Variants in HECTD4 observed in about 807,000 individuals in gnomAD.
HECTD4 encodes HECT domain E3 ubiquitin protein ligase 4, also known as probable E3 ubiquitin-protein ligase HECTD4.
HECTD4 carries 114 observed loss-of-function variants against 471.5 expected under a neutral mutation model. The observed-to-expected ratio is 0.24, with a 90% CI of 0.21 to 0.28. HECTD4 has a LOEUF of 0.28. HECTD4 is among the 10% of genes least tolerant of loss of function. The pLI is 1.00. For synonymous variants in HECTD4, 2,012 were observed against 2,256.0 expected, an observed-to-expected ratio of 0.89 and a Z score of 3.07; for missense variants, 3,866 against 5,651.5, an observed-to-expected ratio of 0.68 and a Z score of 10.13.
chr12:112,184,531 G>T lies in HECTD4; in HGVS notation c.10435C>A (p.Pro3479Thr). 2 of 1,610,986 alleles carry T rather than the reference G, an allele frequency of 1.2e-6. No individual in the cohort carries two copies. Among genetic ancestry groups the T allele is most frequent in the Non-Finnish European group, 8.5e-7 (1 of 1,179,084 alleles). Residue 3479 changes from proline to threonine, a missense_variant, in exon 61 of 76, where the codon CCC (proline) becomes ACC (threonine). Around this residue, in one of 16 missense-constraint regions of HECTD4, gnomAD observed 192 missense variants for 189.9 expected, o/e 1.01. Transcript: ENST00000682272. The surrounding 1 kb of genome is among the most constrained non-coding windows in gnomAD (Gnocchi z 9.1). The part of the protein sequence containing the change: ...MEVSTSSSLT[P>T]AMSISASAST... Reference sequence around the variant, plus strand: ...GCGGAGGCGCTGATGCTCATGGCGGGGGTCAGGCTGCTGGACGTGCTGACC... The same window carrying T: ...GCGGAGGCGCTGATGCTCATGGCGGTGGTCAGGCTGCTGGACGTGCTGACC...
chr12:112,172,598 T>G, intron 67 of HECTD4, 73 bp downstream of exon 67: 1 of 1,453,416 alleles, frequency 6.9e-7, no homozygotes, highest in African/African-American at 1.4e-5. Context: ...AATCTAGCCC[T>G]TGTAAATGCC....
rs146417702 is a variant in HECTD4, at chr12:112,169,477, G to A, written c.12208+26C>T. On this transcript the variant is annotated intron_variant, in intron 70 of 75. Coordinates refer to ENST00000682272, the MANE Select transcript of HECTD4 (RefSeq NM_001388303.1). Reference sequence around the variant, plus strand: ...GGACACTAAACACAGCTCCTCCAGCGTGGAGCCTGGCGGGCCACCACTTAC... The same window carrying A: ...GGACACTAAACACAGCTCCTCCAGCATGGAGCCTGGCGGGCCACCACTTAC... The A allele has an allele frequency of 2.2e-4, 351 of 1,592,768 alleles. 4 individuals carry two copies. In the East Asian group the frequency reaches 6.0e-3, roughly 27 times the overall value.
rs992844285 is a variant in HECTD4, at chr12:112,299,835, G to A, written c.1335+6229C>T. Among the ~76,000 whole-genome samples, 26 of 152,204 alleles carry A rather than the reference G, an allele frequency of 1.7e-4. No homozygotes were observed. The East Asian group carries it at 3.5e-3, about 20-fold the overall frequency. ...CCTCCTCAACTTTTTATTTCATGCC[G>A]CAGGCAGGGACTGTTTTTTAATTGT... On this transcript the variant is annotated intron_variant, in intron 7 of 75. Coordinates refer to ENST00000682272, the MANE Select transcript of HECTD4 (RefSeq NM_001388303.1).
chr12:112,218,838 G>A (rs994581205), intron 45 of HECTD4, among the ~76,000 whole-genome samples: 4 of 152,028 alleles, frequency 2.6e-5, no homozygotes, highest in African/African-American at 7.2e-5. Flanking sequence ...AGGTTGAAGC[G>A]ATTCTCCTGC....
chr12:112,265,266 A>G lies in HECTD4; in HGVS notation c.2528T>C (p.Leu843Pro). The G allele has an allele frequency of 1.9e-6, 3 of 1,583,656 alleles. No homozygotes were observed. The highest frequency in any genetic ancestry group is 8.6e-7 in the Non-Finnish European group (1 of 1,159,132). Residue 843 changes from leucine to proline, a missense_variant, in exon 16 of 76, where the codon CTG becomes CCG. Leu to Pro is a moderately conservative substitution (Grantham distance 98). Around this residue, in one of 16 missense-constraint regions of HECTD4, gnomAD observed 525 missense variants for 672.6 expected, o/e 0.78. Transcript: ENST00000682272. ...ACAGGATTCTCGTACAACAATCTTC[A>G]GAATGTAGTGTAAAAGTTCATCATT... Reference protein sequence around the residue: ...RLNDELLHYILKIVVRESCIL... With the variant: ...RLNDELLHYIPKIVVRESCIL...
chr12:112,181,862 C>T (rs1290961200), intron 62 of HECTD4, among the ~76,000 whole-genome samples: 5 of 152,138 alleles, frequency 3.3e-5, no homozygotes, highest in Admixed American at 6.5e-5. Flanking sequence ...GAGGCCAAGG[C>T]GGGCAAATCA....
chr12:112,210,009 A>T lies in HECTD4; in HGVS notation c.7867+6T>A, dbSNP rs1168993329. 3 of 1,608,688 alleles carry T rather than the reference A, an allele frequency of 1.9e-6. No homozygotes were observed. Among genetic ancestry groups the T allele is most frequent in the South Asian group, 2.2e-5 (2 of 90,454 alleles). On this transcript the variant is annotated splice_donor_region_variant and intron_variant, in intron 50 of 75. Transcript: ENST00000682272. ...TGGAGGCAGTAAGTTCCAGGAGGTG[A>T]CTTACGTTGCTGAGCGGTGGCCACG...
At chr12:112,362,654 T>G (rs924464826) in intron 1 of HECTD4, among the ~76,000 whole-genome samples, 2 of 152,118 alleles carry the variant, frequency 1.3e-5, no homozygotes, top group Non-Finnish European at 2.9e-5. Context: ...GTGGGGAGCG[T>G]TATGTTAGCA....
intron 1 of HECTD4, among the ~76,000 whole-genome samples, chr12:112,328,043 A>C (rs769172988): frequency 1.1e-4 from 16 of 152,208 alleles, no homozygotes; most frequent in Non-Finnish European, 2.2e-4. Flanking sequence ...TGTCAGCATA[A>C]AAGGAATTTA....
chr12:112,259,329 T>C (rs537942679), intron 18 of HECTD4, 64 bp from the exon 19 acceptor site: 1 of 1,543,670 alleles, frequency 6.5e-7, no homozygotes, highest in Non-Finnish European at 8.9e-7. Context: ...GAAGCACTAA[T>C]GTCATCTTTA....
intron 66 of HECTD4, 99 bp downstream of exon 66, chr12:112,175,637 A>C (rs1263086250): frequency 2.2e-6 from 3 of 1,370,602 alleles, no homozygotes; most frequent in African/African-American, 1.5e-5. Flanking sequence ...AGAAAGCATT[A>C]TCAACAGGGG....
intron 60 of HECTD4, among the ~76,000 whole-genome samples, chr12:112,186,511 A>G (rs2031869337): frequency 6.7e-6 from 1 of 148,840 alleles, no homozygotes; most frequent in African/African-American, 2.5e-5. Flanking sequence ...TAATTTTTGT[A>G]TTTTTAGTAG....
intron 50 of HECTD4, among the ~76,000 whole-genome samples, chr12:112,208,943 C>T (rs1196115677): frequency 7.7e-6 from 1 of 129,900 alleles, no homozygotes; most frequent in African/African-American, 3.0e-5. Context: ...ACTCTGTTGC[C>T]TAGGCTGGCA....
intron 4 of HECTD4, 81 bp from the exon 5 acceptor site, chr12:112,309,750 C>T (rs189565946): frequency 2.2e-4 from 143 of 651,322 alleles, no homozygotes; most frequent in Admixed American, 8.9e-4. Context: ...AATGAAAAAG[C>T]CATTAGGAGG....
Position 112,243,443 on chromosome 12 carries a change from T to G in HECTD4, c.4868A>C (p.His1623Pro). 1.9e-6 allele frequency: 3 copies of G among 1,611,112 alleles called. No individual in the cohort carries two copies. Among genetic ancestry groups the G allele is most frequent in the Non-Finnish European group, 2.5e-6 (3 of 1,178,724 alleles). ...GGCAGCTGTCAGCAATTCCCGCATG[T>G]GCACCAGTGCCTGCTTGCGAGTGTT... ...RGNTRKQALV[H>P]MRELLTAAVR... The change falls in exon 32 of 76, where the codon CAC becomes CCC. Residue 1623 changes from histidine to proline, a missense_variant. By Grantham distance (77) the His-to-Pro change is moderately conservative. Around this residue, in one of 16 missense-constraint regions of HECTD4, gnomAD observed 229 missense variants for 386.4 expected, o/e 0.59. Coordinates refer to ENST00000682272, the MANE Select transcript of HECTD4 (RefSeq NM_001388303.1). This position sits in a 1 kb window ranked among gnomAD's most constrained non-coding sequence, Gnocchi z 6.6.
Position 112,319,359 on chromosome 12 carries a change from C to G in HECTD4, c.561G>C (p.Glu187Asp). ...CAATTCCATTGAGACAGTCAGCAGG[C>G]TCCTTGGTCAAGCTCAAAGGCTGGC... ...RDCQPLSLTK[E>D]PADCLNGIET... Residue 187 changes from glutamate (E) to aspartate (D), a missense_variant, in exon 2 of 76, where the codon GAG becomes GAC. By Grantham distance (45) the Glu-to-Asp change is conservative. Coordinates refer to ENST00000682272, the MANE Select transcript of HECTD4 (RefSeq NM_001388303.1). The surrounding 1 kb of genome is among the most constrained non-coding windows in gnomAD (Gnocchi z 5.3). 1 of 1,536,134 alleles carries G rather than the reference C, an allele frequency of 6.5e-7. No homozygotes were observed. Among genetic ancestry groups the G allele is most frequent in the Non-Finnish European group, 8.7e-7 (1 of 1,146,908 alleles).
chr12:112,268,303 C>T (rs892653575), intron 13 of HECTD4, among the ~76,000 whole-genome samples: 6 of 152,176 alleles, frequency 3.9e-5, no homozygotes, highest in Non-Finnish European at 8.8e-5. Context: ...TGCCTTAATG[C>T]TCCACAGAAA....
intron 13 of HECTD4, chr12:112,267,250 C>T (rs1050300205): frequency 1.9e-5 from 8 of 421,148 alleles, no homozygotes; most frequent in East Asian, 4.5e-5. Context: ...AGAGGAGGAC[C>T]GGTCTTCGGT....
chr12:112,169,902 G>A (rs1360915392), intron 69 of HECTD4: 5 of 595,602 alleles, frequency 8.4e-6, no homozygotes. Flanking sequence ...TCATCTTCTA[G>A]AGGCTTCCCT....
Sources: allele counts gnomAD v4.1 joint callset (sites outside exome capture counted in the v4.1 genomes callset), GRCh38; gene constraint gnomAD v4.1.1; regional missense constraint gnomAD v4.1.1; non-coding constraint Gnocchi (gnomAD v3.1); transcripts MANE v1.5; gene names NCBI Gene and HGNC (gene_info 2026-07-23, HGNC 2026-07-21).